The following KIAA0232 variants were observed in gnomAD, a reference collection of about 807,000 sequenced individuals.
KIAA0232 encodes the protein KIAA0232.
In KIAA0232, 27 loss-of-function variants were observed where a neutral mutation model predicts 122.0. The ratio of observed to expected loss-of-function variants is 0.22; its 90% CI spans 0.16 to 0.31. KIAA0232 has a LOEUF of 0.31. Among genes scored for constraint, KIAA0232 ranks in the 10% least tolerant of loss-of-function variants. The pLI is 1.00. For missense variants in KIAA0232, 1,551 were observed against 1,634.2 expected (o/e 0.95, Z 0.88); for synonymous variants, 613 against 587.6 (o/e 1.04, Z -0.63).
chr4:6,842,885 G>A (rs1363627514), intron 4 of KIAA0232, among the ~76,000 whole-genome samples: 3 of 152,040 alleles, frequency 2.0e-5, no homozygotes, highest in Admixed American at 6.6e-5. Flanking sequence ...CATCGCGCCC[G>A]GCCCGCTCTT....
intron 1 of KIAA0232, among the ~76,000 whole-genome samples, chr4:6,803,191 A>G (rs1016334425): frequency 7.6e-6 from 1 of 132,344 alleles, no homozygotes; most frequent in Non-Finnish European, 1.6e-5. Context: ...CTTGAAAGAA[A>G]TTAAAATGAG....
chr4:6,858,194 G>A (rs1720663025), intron 5 of KIAA0232, among the ~76,000 whole-genome samples: 1 of 152,212 alleles, frequency 6.6e-6, no homozygotes, highest in Non-Finnish European at 1.5e-5. Flanking sequence ...CTGTATCAGT[G>A]ACGAGATGAA....
At chr4:6,816,712 C>T (rs1227140937) in intron 2 of KIAA0232, among the ~76,000 whole-genome samples, 1 of 152,114 alleles carries the variant, frequency 6.6e-6, no homozygotes, top group Non-Finnish European at 1.5e-5. Context: ...GTAGAATTCA[C>T]CTTTGAAACT....
intron 3 of KIAA0232, among the ~76,000 whole-genome samples, chr4:6,825,658 T>TG: frequency 6.6e-6 from 1 of 152,162 alleles, no homozygotes; most frequent in East Asian, 1.9e-4. Context: ...GTCTCATTCT[T>TG]AAGAGGAGCT....
At position 6,855,374 on chromosome 4, in the gene KIAA0232, C is replaced by T. The variant is rs1385058135; in HGVS notation, c.370-1790C>T. On this transcript the variant is annotated intron_variant, in intron 4 of 9. Coordinates refer to ENST00000307659, the MANE Select transcript of KIAA0232 (RefSeq NM_014743.3). The surrounding 1 kb of genome is among the most constrained non-coding windows in gnomAD (Gnocchi z 4.3). The stretch of plus-strand genomic sequence containing the variant: ...AAGTGCTGGGATTACAGGTGTGAGC[C>T]GCTGCGCCCAGCTGATTTTTTAAAA... Among the ~76,000 whole-genome samples, 3 of 151,986 alleles carry T rather than the reference C, an allele frequency of 2.0e-5. No individual in the cohort carries two copies. The highest frequency in any genetic ancestry group is 2.1e-4 in the South Asian group (1 of 4,822).
At chr4:6,869,046 CT>C (rs1721329641) in intron 7 of KIAA0232, among the ~76,000 whole-genome samples, 3 of 152,184 alleles carry the variant, frequency 2.0e-5, no homozygotes, top group Non-Finnish European at 2.9e-5. Context: ...GGGCCCCATA[CT>C]TGGGAATGCA....
Position 6,858,485 on chromosome 4 carries a change from C to T in KIAA0232, c.497C>T (p.Pro166Leu). 1 of 1,606,740 alleles carries T rather than the reference C, an allele frequency of 6.2e-7. No homozygotes were observed. The highest frequency in any genetic ancestry group is 8.5e-7 in the Non-Finnish European group (1 of 1,176,104). ...SPSPEAELSP[P>L]AKDQVEMYYE... ...TCTCCAGAGGCAGAATTATCCCCTC[C>T]AGCAAAGGATCAAGTGGAAATGTAT... Residue 166 changes from proline (P) to leucine (L), a missense_variant, in exon 6 of 10, where the codon CCA becomes CTA. Transcript: ENST00000307659.
At chr4:6,868,254 T>A (rs762360174) in intron 7 of KIAA0232, among the ~76,000 whole-genome samples, 3 of 152,246 alleles carry the variant, frequency 2.0e-5, no homozygotes, top group Non-Finnish European at 4.4e-5. Flanking sequence ...TAAGTTTATG[T>A]CTTCTTTTCA....
At chr4:6,851,954 G>T (rs1720309417) in intron 4 of KIAA0232, among the ~76,000 whole-genome samples, 2 of 152,042 alleles carry the variant, frequency 1.3e-5, no homozygotes, top group South Asian at 2.1e-4. Context: ...AAAGAGCGGG[G>T]TTACCTTTTT....
At chr4:6,874,654 A>G (rs960085928) in intron 8 of KIAA0232, among the ~76,000 whole-genome samples, 7 of 152,304 alleles carry the variant, frequency 4.6e-5, no homozygotes, top group African/African-American at 1.7e-4. Flanking sequence ...TGAGAACTGT[A>G]TTGGAATCCA....
In KIAA0232 at chr4:6,815,970, A is replaced by C. The variant is rs187695911; in HGVS notation, c.-269-8215A>C. The stretch of plus-strand genomic sequence containing the variant: ...TAAATGTGAACTCTCTATCGACAAC[A>C]AAAAGAATCTTATGGTTGGCTTGAG... On this transcript the variant is annotated intron_variant, in intron 2 of 9. Transcript: ENST00000307659. Among the ~76,000 whole-genome samples, 400 of 152,316 alleles carry C rather than the reference A, an allele frequency of 2.6e-3. 7 individuals carry two copies. Among genetic ancestry groups the C allele is most frequent in the South Asian group, 0.025 (120 of 4,808 alleles).
chr4:6,818,883 A>G (rs1718276214), intron 2 of KIAA0232, among the ~76,000 whole-genome samples: 1 of 152,192 alleles, frequency 6.6e-6, no homozygotes, highest in Admixed American at 6.5e-5. Context: ...ACAGATATGT[A>G]GACCAATGGA....
chr4:6,818,208 C>G (rs1298969958), intron 2 of KIAA0232, among the ~76,000 whole-genome samples: 3 of 151,848 alleles, frequency 2.0e-5, no homozygotes, highest in African/African-American at 7.3e-5. Context: ...CAAGACCAGC[C>G]TGGCCAAGAT....
At chr4:6,835,122 C>CT (rs560449513) in intron 3 of KIAA0232, among the ~76,000 whole-genome samples, 206 of 152,234 alleles carry the variant, frequency 1.4e-3, no homozygotes, top group South Asian at 9.5e-3. Context: ...GGCAGGTGTG[C>CT]TAGAGGGCTG....
intron 3 of KIAA0232, among the ~76,000 whole-genome samples, chr4:6,840,374 A>ATG (rs1307036645): frequency 6.6e-6 from 1 of 152,188 alleles, no homozygotes; most frequent in Non-Finnish European, 1.5e-5. Context: ...TGTTAATCCC[A>ATG]TGCAGACACA....
chr4:6,827,734 A>G (rs575514169), intron 3 of KIAA0232, among the ~76,000 whole-genome samples: 3 of 152,338 alleles, frequency 2.0e-5, no homozygotes, highest in African/African-American at 7.2e-5. Context: ...AGGCTGAATC[A>G]TCTATAAACC....
At chr4:6,798,057 C>T in intron 1 of KIAA0232, among the ~76,000 whole-genome samples, 1 of 98,022 alleles carries the variant, frequency 1.0e-5, no homozygotes, top group African/African-American at 3.6e-5. Context: ...GACTCCGTCT[C>T]AAAAAAAAAA....
intron 1 of KIAA0232, among the ~76,000 whole-genome samples, chr4:6,798,604 T>C (rs1481856676): frequency 6.6e-6 from 1 of 152,168 alleles, no homozygotes. Context: ...CAGGCTGGAG[T>C]GCAGGGGTGT....
At chr4:6,790,031 GAA>G (rs563662787) in intron 1 of KIAA0232, among the ~76,000 whole-genome samples, 1 of 145,416 alleles carries the variant, frequency 6.9e-6, no homozygotes, top group African/African-American at 2.5e-5. Context: ...CCTGTCTCAA[GAA>G]AAAAAAAAGA....
Sources: gnomAD v4.1 joint callset for allele counts (sites outside exome capture counted in the v4.1 genomes callset) on GRCh38, gnomAD v4.1.1 for gene constraint, Gnocchi (gnomAD v3.1) non-coding constraint, MANE v1.5 for transcripts, NCBI Gene and HGNC (gene_info 2026-07-23, HGNC 2026-07-21) for gene names.